The following MAD1L1 variants were observed in gnomAD, a reference collection of about 807,000 sequenced individuals.
The protein encoded by MAD1L1 is mitotic spindle assembly checkpoint protein MAD1.
A neutral mutation model predicts 96.9 loss-of-function variants in MAD1L1; 95 were observed. That is an observed-to-expected ratio of 0.98 (90% CI 0.83 to 1.16). MAD1L1 has a LOEUF of 1.16. Ranked by LOEUF, MAD1L1 falls within the 50% of genes most tolerant of loss-of-function variation. The pLI is 0.00. For synonymous variants in MAD1L1, 473 were observed against 396.6 expected (o/e 1.19, Z -2.29); for missense variants, 1,007 against 954.4 (o/e 1.06, Z -0.73).
At chr7:1,863,469 G>C (rs1218655129) in intron 18 of MAD1L1, among the ~76,000 whole-genome samples, 3 of 152,250 alleles carry the variant, frequency 2.0e-5, no homozygotes, top group African/African-American at 7.2e-5. Context: ...CAGCACTTCA[G>C]TCCTGGGGAG....
At chr7:1,981,112 G>A (rs879303088) in intron 14 of MAD1L1, among the ~76,000 whole-genome samples, 1 of 152,168 alleles carries the variant, frequency 6.6e-6, no homozygotes, top group Non-Finnish European at 1.5e-5. Context: ...GACTACAGGC[G>A]CGTGCTGCCA....
intron 12 of MAD1L1, among the ~76,000 whole-genome samples, chr7:2,059,561 G>T (rs4719413): frequency 0.046 from 6,947 of 149,710 alleles, 247 homozygotes; most frequent in African/African-American, 0.11. Context: ...GGCTGGCGGG[G>T]AAGCATGGCC....
intron 18 of MAD1L1, among the ~76,000 whole-genome samples, chr7:1,896,655 C>CTG (rs2128441144): frequency 6.6e-6 from 1 of 152,334 alleles, no homozygotes; most frequent in Non-Finnish European, 1.5e-5. Context: ...GGGAAGATGA[C>CTG]GAGTGGCTTG....
intron 14 of MAD1L1, among the ~76,000 whole-genome samples, chr7:1,986,383 TCCAGGG>T (rs1781143781): frequency 7.9e-6 from 1 of 126,438 alleles, no homozygotes; most frequent in African/African-American, 3.0e-5. Context: ...CACACGCCAG[TCCAGGG>T]ACCCCCGTTC....
rs571175154 is a variant in MAD1L1 at position 1,883,777 on chromosome 7, C to T, written c.1998+14423G>A. On this transcript the variant is annotated intron_variant, in intron 18 of 18. Transcript: ENST00000265854. ...GCCCCAGGCCGTATTAAAAGGAAGG[C>T]ACCATGTGTCTCTATTACCCAGACA... 3.6e-4 allele frequency among the ~76,000 whole-genome samples: 55 copies of T among 152,344 alleles called. 1 individual carries two copies. The highest frequency in any genetic ancestry group is 3.4e-4 in the Non-Finnish European group (23 of 68,026).
rs1176924236 is a variant in MAD1L1, at chr7:1,860,497, G to C, written c.1998+37703C>G. ...TCTCCCTAGGGGTGACATCCTGCAGGGCAGCCTCTGTTTCCCTAAATGTGA... is the reference window on the plus strand; with the variant it reads ...TCTCCCTAGGGGTGACATCCTGCAGCGCAGCCTCTGTTTCCCTAAATGTGA... On this transcript the variant is annotated intron_variant, in intron 18 of 18. Transcript: ENST00000265854. Among the ~76,000 whole-genome samples, 3 of 152,138 alleles carry C rather than the reference G, an allele frequency of 2.0e-5. No homozygotes were observed. In the East Asian group the frequency reaches 5.8e-4, roughly 29 times the overall value.
chr7:1,877,274 T>C (rs1785433958), intron 18 of MAD1L1, among the ~76,000 whole-genome samples: 1 of 152,222 alleles, frequency 6.6e-6, no homozygotes, highest in Middle Eastern at 3.4e-3. Context: ...TATGTAACAG[T>C]TCCTTCTGTG....
chr7:1,914,099 A>G (rs1043513885), intron 17 of MAD1L1, among the ~76,000 whole-genome samples: 2 of 152,046 alleles, frequency 1.3e-5, no homozygotes, highest in Non-Finnish European at 2.9e-5. Context: ...CGACCCCACA[A>G]TGGGGGACAT....
At chr7:2,014,426 C>T (rs533669978) in intron 13 of MAD1L1, 76 bp downstream of exon 13, 24 of 1,480,140 alleles carry the variant, frequency 1.6e-5, no homozygotes, top group African/African-American at 2.8e-5. Flanking sequence ...TCCACCTCCC[C>T]GCCGCAGGCT....
chr7:1,899,281 C>A (rs1321319532), intron 17 of MAD1L1, among the ~76,000 whole-genome samples: 1 of 152,248 alleles, frequency 6.6e-6, no homozygotes, highest in Non-Finnish European at 1.5e-5. Context: ...ATTATCAGGA[C>A]TGGCTCCACT....
chr7:1,847,429 C>T (rs1262540635), intron 18 of MAD1L1: 1 of 470,686 alleles, frequency 2.1e-6, no homozygotes, highest in Admixed American at 2.3e-5. Flanking sequence ...TACCAGGAGA[C>T]AGTGGAGACC....
chr7:2,196,636 G>A (rs1029761624), intron 10 of MAD1L1, among the ~76,000 whole-genome samples: 8 of 152,188 alleles, frequency 5.3e-5, no homozygotes, highest in East Asian at 3.8e-4. Context: ...ACAAACAAAC[G>A]AGCGTCTCCA....
intron 16 of MAD1L1, among the ~76,000 whole-genome samples, chr7:1,944,303 A>C (rs924310860): frequency 1.3e-5 from 2 of 152,204 alleles, no homozygotes; most frequent in African/African-American, 4.8e-5. Flanking sequence ...CGGTGGTTGC[A>C]CTAGCCGTGG....
At chr7:1,958,509 C>T (rs942027992) in intron 15 of MAD1L1, among the ~76,000 whole-genome samples, 1 of 152,140 alleles carries the variant, frequency 6.6e-6, no homozygotes, top group Non-Finnish European at 1.5e-5. Flanking sequence ...TGCTCCAGGG[C>T]GTCCCAGCAC....
At chr7:1,971,609 G>A (rs1017445121) in intron 15 of MAD1L1, among the ~76,000 whole-genome samples, 3 of 152,300 alleles carry the variant, frequency 2.0e-5, no homozygotes, top group African/African-American at 7.2e-5. Context: ...TTGAACACGT[G>A]CACTTAAGTG....
chr7:2,222,595 T>C lies in MAD1L1; in HGVS notation c.451A>G (p.Ser151Gly), dbSNP rs1166310112. The C allele has an allele frequency of 1.9e-6, 3 of 1,610,000 alleles. No individual in the cohort carries two copies. Among genetic ancestry groups the C allele is most frequent in the Non-Finnish European group, 8.5e-7 (1 of 1,178,472 alleles). The stretch of plus-strand genomic sequence containing the variant: ...CTCACCTCGCCAGCCTGGGCCAGAC[T>C]GTCCTCTTTCTCACGCAGCCTCTTG... The part of the protein sequence containing the change: ...ASKRLREKED[S>G]LAQAGETINA... Residue 151 changes from serine to glycine, a missense_variant, in exon 5 of 19, where the codon AGT becomes GGT. Physicochemically the swap from Ser to Gly is moderately conservative, Grantham distance 56 (BLOSUM62 0). Transcript: ENST00000265854.
intron 18 of MAD1L1, among the ~76,000 whole-genome samples, chr7:1,836,898 T>A (rs1024869456): frequency 3.9e-5 from 6 of 152,148 alleles, no homozygotes; most frequent in African/African-American, 1.4e-4. Flanking sequence ...CTTTGTGACC[T>A]TGGGTTAGGT....
At chr7:1,885,559 G>A (rs758366845) in intron 18 of MAD1L1, among the ~76,000 whole-genome samples, 14 of 152,132 alleles carry the variant, frequency 9.2e-5, no homozygotes, top group Non-Finnish European at 1.3e-4. Flanking sequence ...GCTGTCCCAC[G>A]GTGGGCCGCT....
At chr7:2,227,374 G>A (rs1224544914) in intron 3 of MAD1L1, among the ~76,000 whole-genome samples, 2 of 152,204 alleles carry the variant, frequency 1.3e-5, no homozygotes, top group African/African-American at 4.8e-5. Context: ...AAGCACCAGA[G>A]TAGAGTGGTG....
Sources: gnomAD v4.1 joint callset for allele counts (sites outside exome capture counted in the v4.1 genomes callset) on GRCh38, gnomAD v4.1.1 for gene constraint, MANE v1.5 for transcripts, NCBI Gene and HGNC (gene_info 2026-07-23, HGNC 2026-07-21) for gene names.